Variants in CSF3 observed in about 807,000 individuals in gnomAD.
CSF3 encodes the protein colony stimulating factor 3.
In CSF3, 17 loss-of-function variants were observed where a neutral mutation model predicts 20.2. The observed-to-expected ratio is 0.84, with a 90% CI of 0.58 to 1.26. The LOEUF (loss-of-function observed/expected upper bound fraction) is 1.26. Ranked by LOEUF, CSF3 falls within the 50% of genes most tolerant of loss-of-function variation. The pLI is 0.00. For missense variants in CSF3, 210 were observed against 256.0 expected (o/e 0.82, Z 1.23); for synonymous variants, 125 against 115.3 (o/e 1.08, Z -0.54).
intron 4 of CSF3, 45 bp from the exon 5 acceptor site, chr17:40,016,750 C>A (rs918093535): frequency 6.2e-7 from 1 of 1,612,904 alleles, no homozygotes; most frequent in African/African-American, 1.3e-5. Context: ...TGTAATAACG[C>A]CCACTCAGAA....
In CSF3 at chr17:40,016,314, A is replaced by G. The variant is rs749012642; in HGVS notation, c.277A>G (p.Ser93Gly). 221 of 1,610,866 alleles carry G rather than the reference A, an allele frequency of 1.4e-4. No individual in the cohort carries two copies. Among genetic ancestry groups the G allele is most frequent in the Non-Finnish European group, 1.8e-4 (215 of 1,178,642 alleles). The change falls in exon 3 of 5, where the codon AGC (serine) becomes GGC (glycine). Residue 93 changes from serine to glycine, a missense_variant. By Grantham distance (56) the Ser-to-Gly change is moderately conservative. Coordinates refer to ENST00000394149, the MANE Select transcript of CSF3 (RefSeq NM_172219.3). ...SLGIPWAPLS[S>G]CPSQALQLAG... ...GGGCATCCCCTGGGCTCCCCTGAGC[A>G]GCTGCCCCAGCCAGGCCCTGCAGCT...
rs145136406 is a variant in CSF3 at position 40,016,561 on chromosome 17, C to T, written c.380C>T (p.Pro127Leu). 119 of 1,614,216 alleles carry T rather than the reference C, an allele frequency of 7.4e-5. No homozygotes were observed. The African/African-American group carries it at 1.4e-3, about 19-fold the overall frequency. The change falls in exon 4 of 5, where the codon CCC becomes CTC. Residue 127 changes from proline to leucine, a missense_variant. Coordinates refer to ENST00000394149, the MANE Select transcript of CSF3 (RefSeq NM_172219.3). ...CTGCAGGCCCTGGAAGGGATCTCCC[C>T]CGAGTTGGGTCCCACCTTGGACACA... ...GLLQALEGIS[P>L]ELGPTLDTLQ... is the part of the protein sequence containing the mutation.
Position 40,016,258 on chromosome 17 carries a change from C to T in CSF3, c.221C>T (p.Pro74Leu). The change falls in exon 3 of 5, where the codon CCC becomes CTC. Residue 74 changes from proline to leucine, a missense_variant. Physicochemically the swap from Pro to Leu is moderately conservative, Grantham distance 98. Transcript: ENST00000394149. ...KLCATYKLCH[P>L]EELVLLGHSL... ...TGTGCCACCTACAAGCTGTGCCACC[C>T]CGAGGAGCTGGTGCTGCTCGGACAC... 6.4e-7 allele frequency: 1 copy of T among 1,567,052 alleles called. No individual in the cohort carries two copies. Among genetic ancestry groups the T allele is most frequent in the Non-Finnish European group, 8.6e-7 (1 of 1,156,164 alleles).
At position 40,016,848 on chromosome 17, in the gene CSF3, G is replaced by T. The variant is rs9282660; in HGVS notation, c.504G>T (p.Pro168=). The change falls in exon 5 of 5, where the codon CCG becomes CCT. Residue 168 remains proline, a synonymous_variant. Coordinates refer to ENST00000394149, the MANE Select transcript of CSF3 (RefSeq NM_172219.3). ...PALQPTQGAM[P]AFASAFQRRA... is the part of the protein sequence containing the mutation. The stretch of plus-strand genomic sequence containing the variant: ...TGCAGCCCACCCAGGGTGCCATGCC[G>T]GCCTTCGCCTCTGCTTTCCAGCGCC... 8,209 of 1,613,386 alleles carry T rather than the reference G, an allele frequency of 5.1e-3. 171 individuals carry two copies. The African/African-American group carries it at 0.057, about 11-fold the overall frequency.
At position 40,017,240 on chromosome 17, in the gene CSF3, T is replaced by G; in HGVS notation, c.*281T>G. Reference sequence around the variant, plus strand: ...ACTGGGATGAGCCGCTGTGAGCCCCTGGTCCTGAGGGTCCCCACCTGGGAC... The same window carrying G: ...ACTGGGATGAGCCGCTGTGAGCCCCGGGTCCTGAGGGTCCCCACCTGGGAC... On this transcript the variant is annotated 3_prime_UTR_variant, in exon 5 of 5. Coordinates refer to ENST00000394149, the MANE Select transcript of CSF3 (RefSeq NM_172219.3). 1 of 272,462 alleles carries G rather than the reference T, an allele frequency of 3.7e-6. No individual in the cohort carries two copies. 16.9% of individuals were successfully genotyped at this position (272,462 alleles called of 1,614,324 possible).
rs1303261578 is a variant in CSF3 at position 40,015,453 on chromosome 17, C to T, written c.-22C>T. ...GGGCCCCAAAACAGCCCGGAGCCTGCAGCCCAGCCCCACCCAGACCCATGG... is the reference window on the plus strand; with the variant it reads ...GGGCCCCAAAACAGCCCGGAGCCTGTAGCCCAGCCCCACCCAGACCCATGG... On this transcript the variant is annotated 5_prime_UTR_variant, in exon 1 of 5. Coordinates refer to ENST00000394149, the MANE Select transcript of CSF3 (RefSeq NM_172219.3). The T allele has an allele frequency of 3.2e-6, 5 of 1,549,332 alleles. No individual in the cohort carries two copies. The South Asian group carries it at 6.0e-5, about 18-fold the overall frequency.
At position 40,016,873 on chromosome 17, in the gene CSF3, CG is replaced by C. The variant is rs772749039; in HGVS notation, c.532del (p.Ala178GlnfsTer95). On this transcript the variant is annotated frameshift_variant, in exon 5 of 5. Transcript: ENST00000394149. LOFTEE classifies it high-confidence loss of function. The part of the protein sequence containing the change: ...MPAFASAFQR[R>X]AGGVLVASHL... ...GGCCTTCGCCTCTGCTTTCCAGCGCCGGGCAGGAGGGGTCCTGGTTGCCTCC... is the reference window on the plus strand; with the variant it reads ...GGCCTTCGCCTCTGCTTTCCAGCGCCGGCAGGAGGGGTCCTGGTTGCCTCC... The C allele has an allele frequency of 1.2e-6, 2 of 1,613,584 alleles. No individual in the cohort carries two copies. The highest frequency in any genetic ancestry group is 1.7e-6 in the Non-Finnish European group (2 of 1,179,996).
chr17:40,017,384 C>T lies in CSF3; in HGVS notation c.*425C>T, dbSNP rs146890554. 9.4e-3 allele frequency: 1,451 copies of T among 154,084 alleles called. 12 individuals carry two copies. The highest frequency in any genetic ancestry group is 0.014 in the Non-Finnish European group (942 of 68,972). The allele number at this position is 154,084 out of a possible 1,614,324, so 9.5% of individuals were successfully genotyped here. On this transcript the variant is annotated 3_prime_UTR_variant, in exon 5 of 5. Transcript: ENST00000394149. ...ACTCTGGCCTCAGCCGACTGCACAG[C>T]GGCCCCTGCATCCCCTTGGCTGTGA...
intron 3 of CSF3, 22 bp downstream of exon 3, chr17:40,016,362 G>A (rs1981387534): frequency 6.2e-7 from 1 of 1,610,318 alleles, no homozygotes; most frequent in Admixed American, 1.7e-5. Flanking sequence ...GAAAGGATAA[G>A]GCTAATGAGG....
chr17:40,016,456 C>T, intron 3 of CSF3, 29 bp from the exon 4 acceptor site: 1 of 1,613,242 alleles, frequency 6.2e-7, no homozygotes, highest in Non-Finnish European at 8.5e-7. Flanking sequence ...TCAGGCAGCA[C>T]CCCCTAACTC....
Position 40,015,855 on chromosome 17 carries a change from G to A in CSF3, c.195+10G>A. 6.2e-7 allele frequency: 1 copy of A among 1,601,138 alleles called. No individual in the cohort carries two copies. The highest frequency in any genetic ancestry group is 8.5e-7 in the Non-Finnish European group (1 of 1,170,972). On this transcript the variant is annotated intron_variant, in intron 2 of 4. Transcript: ENST00000394149. ...GCTCCAGGAGAAGCTGGTGAGTGAG[G>A]TGGGTGAGAGGGCTGTGGAGGGAAG... is the stretch of plus-strand genomic sequence containing the variant.
intron 2 of CSF3, 113 bp downstream of exon 2, chr17:40,015,958 A>G: frequency 7.0e-7 from 1 of 1,421,814 alleles, no homozygotes. Flanking sequence ...TATTAGGAGC[A>G]GTGGAGCTGG....
rs749503197 is a variant in CSF3 at position 40,016,533 on chromosome 17, C to G, written c.352C>G (p.Leu118Val). 1.2e-6 allele frequency: 2 copies of G among 1,614,090 alleles called. No individual in the cohort carries two copies. Among genetic ancestry groups the G allele is most frequent in the Non-Finnish European group, 1.7e-6 (2 of 1,180,028 alleles). Reference sequence around the variant, plus strand: ...TAGCGGCCTTTTCCTCTACCAGGGGCTCCTGCAGGCCCTGGAAGGGATCTC... The same window carrying G: ...TAGCGGCCTTTTCCTCTACCAGGGGGTCCTGCAGGCCCTGGAAGGGATCTC... ...LHSGLFLYQGLLQALEGISPE... is the reference protein window; with the variant it reads ...LHSGLFLYQGVLQALEGISPE... The change falls in exon 4 of 5, where the codon CTC becomes GTC. Residue 118 changes from leucine (L) to valine (V), a missense_variant. Coordinates refer to ENST00000394149, the MANE Select transcript of CSF3 (RefSeq NM_172219.3).
rs1981490088 is a variant in CSF3 at position 40,017,614 on chromosome 17, G to A, written c.*655G>A. On this transcript the variant is annotated 3_prime_UTR_variant, in exon 5 of 5. Coordinates refer to ENST00000394149, the MANE Select transcript of CSF3 (RefSeq NM_172219.3). ...GGGTCAGGACTGTGACTCTTTTTAG[G>A]GCCAGGCAGGTGCCTGGACATTTGC... 2 of 152,362 alleles carry A rather than the reference G, an allele frequency of 1.3e-5. No individual in the cohort carries two copies. The highest frequency in any genetic ancestry group is 4.1e-4 in the South Asian group (2 of 4,834). The allele number at this position is 152,362 out of a possible 1,614,324, so 9.4% of individuals were successfully genotyped here.
Position 40,016,655 on chromosome 17 carries a change from C to A in CSF3, c.450+24C>A, listed in dbSNP as rs762571703. 8.1e-6 allele frequency: 13 copies of A among 1,613,504 alleles called. No homozygotes were observed. In the Middle Eastern group the frequency reaches 4.9e-4, roughly 61 times the overall value. On this transcript the variant is annotated intron_variant, in intron 4 of 4. Coordinates refer to ENST00000394149, the MANE Select transcript of CSF3 (RefSeq NM_172219.3). ...AGGTGAGCCTTGTTGGGCAGGGTGG[C>A]CAAGGTCGTGCTGGCATTCTGGGCA... is the stretch of plus-strand genomic sequence containing the variant.
chr17:40,015,621 C>T (rs1236182150), intron 1 of CSF3, 70 bp from the exon 2 acceptor site: 6 of 1,543,790 alleles, frequency 3.9e-6, no homozygotes, highest in East Asian at 4.8e-5. Flanking sequence ...GGATTAAAGG[C>T]ACCCAGTGTC....
chr17:40,015,896 T>C, intron 2 of CSF3, 51 bp downstream of exon 2: 2 of 1,560,820 alleles, frequency 1.3e-6, no homozygotes, highest in East Asian at 2.3e-5. Context: ...TGGGGAGAGC[T>C]AAGGGGGATG....
In CSF3 at chr17:40,015,530, C is replaced by T. The variant is rs1446410225; in HGVS notation, c.40+16C>T. The T allele has an allele frequency of 3.9e-6, 6 of 1,550,904 alleles. No homozygotes were observed. The highest frequency in any genetic ancestry group is 4.4e-6 in the Non-Finnish European group (5 of 1,146,974). ...AAGCTGATGGGTGAGTGTCTTGGCC[C>T]AGGATGGGAGAGCCGCCTGCCCTGG... On this transcript the variant is annotated intron_variant, in intron 1 of 4. Transcript: ENST00000394149.
In CSF3 at chr17:40,015,816, G is replaced by A. The variant is rs754170148; in HGVS notation, c.166G>A (p.Gly56Ser). ...CTTAGAGCAAGTGAGGAAGATCCAGGGCGATGGCGCAGCGCTCCAGGAGAA... is the reference window on the plus strand; with the variant it reads ...CTTAGAGCAAGTGAGGAAGATCCAGAGCGATGGCGCAGCGCTCCAGGAGAA... ...KCLEQVRKIQ[G>S]DGAALQEKLC... Residue 56 changes from glycine (G) to serine (S), a missense_variant, in exon 2 of 5, where the codon GGC becomes AGC. By Grantham distance (56) the Gly-to-Ser change is moderately conservative. Coordinates refer to ENST00000394149, the MANE Select transcript of CSF3 (RefSeq NM_172219.3). 4 of 1,611,328 alleles carry A rather than the reference G, an allele frequency of 2.5e-6. No homozygotes were observed. Among genetic ancestry groups the A allele is most frequent in the South Asian group, 2.2e-5 (2 of 90,712 alleles).
Sources: allele counts gnomAD v4.1 joint callset, GRCh38; gene constraint gnomAD v4.1.1; transcripts MANE v1.5; gene names NCBI Gene and HGNC (gene_info 2026-07-23, HGNC 2026-07-21).